The following CYSTM1 variants were observed in gnomAD, a reference collection of about 807,000 sequenced individuals.
CYSTM1 encodes cysteine rich transmembrane module containing 1.
Under a neutral mutation model 13.1 loss-of-function variants are expected in CYSTM1, and 4 were observed. The observed-to-expected ratio is 0.31, with a 90% CI of 0.15 to 0.70. The LOEUF (loss-of-function observed/expected upper bound fraction) is 0.70. Ranked by LOEUF, CYSTM1 falls within the 30% of genes least tolerant of loss-of-function variation. CYSTM1 has a pLI of 0.72. For missense variants in CYSTM1, 96 were observed against 121.6 expected (o/e 0.79, Z 0.99); for synonymous variants, 36 against 42.7 (o/e 0.84, Z 0.62).
At chr5:140,220,510 T>C (rs1764477263) in intron 2 of CYSTM1, among the ~76,000 whole-genome samples, 1 of 152,192 alleles carries the variant, frequency 6.6e-6, no homozygotes, top group African/African-American at 2.4e-5. Flanking sequence ...TAATTGGTCT[T>C]GCCCAGTTTG....
chr5:140,201,762 AC>A (rs1404076320), intron 2 of CYSTM1: 1 of 152,130 alleles, frequency 6.6e-6, no homozygotes, highest in Non-Finnish European at 1.5e-5. Flanking sequence ...AAGTGATAGA[AC>A]CTTAGCCTTA....
chr5:140,233,069 A>G (rs1764635301), intron 2 of CYSTM1, among the ~76,000 whole-genome samples: 1 of 152,158 alleles, frequency 6.6e-6, no homozygotes, highest in Non-Finnish European at 1.5e-5. Context: ...TTTTGAAAGG[A>G]AACTCTACAT....
intron 1 of CYSTM1, among the ~76,000 whole-genome samples, chr5:140,177,457 G>T (rs1228430835): frequency 6.6e-6 from 1 of 152,076 alleles, no homozygotes; most frequent in Non-Finnish European, 1.5e-5. Context: ...AAATTATTTT[G>T]TATTTCTTTG....
At chr5:140,220,296 G>T (rs1031279036) in intron 2 of CYSTM1, among the ~76,000 whole-genome samples, 3 of 152,122 alleles carry the variant, frequency 2.0e-5, no homozygotes, top group Non-Finnish European at 4.4e-5. Flanking sequence ...CAGAAGCCAG[G>T]GCTATTAGGG....
chr5:140,206,884 C>T (rs544886900), intron 2 of CYSTM1, among the ~76,000 whole-genome samples: 71 of 152,288 alleles, frequency 4.7e-4, no homozygotes, highest in African/African-American at 1.6e-3. Flanking sequence ...ATCTGCCCGC[C>T]TCAGACTCCC....
chr5:140,219,394 G>A lies in CYSTM1; in HGVS notation c.188-23911G>A, dbSNP rs1268928941. ...CTTTGTTTCTCTGAAATCGTGGGCA[G>A]TGTGCTGCAGGTAGTAGAGGGGAGG... On this transcript the variant is annotated intron_variant, in intron 2 of 2. Transcript: ENST00000261811. The surrounding 1 kb of genome is among the most constrained non-coding windows in gnomAD (Gnocchi z 4.1). 6.6e-6 allele frequency among the ~76,000 whole-genome samples: 1 copy of A among 152,154 alleles called. No individual in the cohort carries two copies. The highest frequency in any genetic ancestry group is 2.4e-5 in the African/African-American group (1 of 41,432).
intron 2 of CYSTM1, among the ~76,000 whole-genome samples, chr5:140,208,447 A>AG (rs1764323534): frequency 6.6e-6 from 1 of 152,204 alleles, no homozygotes; most frequent in South Asian, 2.1e-4. Flanking sequence ...CAAGGGTAGT[A>AG]GGGGGAGGTG....
At chr5:140,191,180 G>A (rs1387069559) in intron 1 of CYSTM1, among the ~76,000 whole-genome samples, 2 of 152,100 alleles carry the variant, frequency 1.3e-5, no homozygotes, top group Non-Finnish European at 2.9e-5. Flanking sequence ...TTCTCTCACT[G>A]GGATTTTTTT....
At chr5:140,181,804 A>G (rs1400758529) in intron 1 of CYSTM1, among the ~76,000 whole-genome samples, 1 of 152,116 alleles carries the variant, frequency 6.6e-6, no homozygotes. Context: ...CCCCGTCTGT[A>G]TTTTTTGCTA....
At chr5:140,241,864 C>T (rs1293434561) in intron 2 of CYSTM1, among the ~76,000 whole-genome samples, 1 of 152,208 alleles carries the variant, frequency 6.6e-6, no homozygotes, top group East Asian at 1.9e-4. Flanking sequence ...TTTCTGATCC[C>T]TTTTCTATCC....
Position 140,234,775 on chromosome 5 carries a change from C to A in CYSTM1, c.188-8530C>A, listed in dbSNP as rs73257049. ...AGCCACCATCATTCACAACCGTGGTCTTCCTGTGCCTCACTTCTGAGCAGG... is the reference window on the plus strand; with the variant it reads ...AGCCACCATCATTCACAACCGTGGTATTCCTGTGCCTCACTTCTGAGCAGG... On this transcript the variant is annotated intron_variant, in intron 2 of 2. Coordinates refer to ENST00000261811, the MANE Select transcript of CYSTM1 (RefSeq NM_032412.4). Among the ~76,000 whole-genome samples, 1,184 of 152,298 alleles carry A rather than the reference C, an allele frequency of 7.8e-3. 11 individuals carry two copies. The highest frequency in any genetic ancestry group is 0.027 in the African/African-American group (1,116 of 41,552).
intron 1 of CYSTM1, among the ~76,000 whole-genome samples, chr5:140,176,304 G>A (rs769796899): frequency 1.3e-5 from 2 of 152,188 alleles, no homozygotes; most frequent in Non-Finnish European, 2.9e-5. Context: ...ACTTGTAACC[G>A]ACAAGGGTAG....
intron 2 of CYSTM1, among the ~76,000 whole-genome samples, chr5:140,240,672 T>C (rs1426962170): frequency 6.6e-6 from 1 of 152,050 alleles, no homozygotes; most frequent in Non-Finnish European, 1.5e-5. Context: ...TGCAGCTCAG[T>C]GCACCCTCTG....
rs1763876637 is a variant in CYSTM1, at chr5:140,175,861, T to A, written c.-21+576T>A. Among the ~76,000 whole-genome samples, 1 of 152,070 alleles carries A rather than the reference T, an allele frequency of 6.6e-6. No homozygotes were observed. Among genetic ancestry groups the A allele is most frequent in the African/African-American group, 2.4e-5 (1 of 41,402 alleles). ...TGCGGGGGAAAGGAATCCCGGCTGCTGTTGAGAGCCGTGGATTGGGATCTG... is the reference window on the plus strand; with the variant it reads ...TGCGGGGGAAAGGAATCCCGGCTGCAGTTGAGAGCCGTGGATTGGGATCTG... On this transcript the variant is annotated intron_variant, in intron 1 of 2. Coordinates refer to ENST00000261811, the MANE Select transcript of CYSTM1 (RefSeq NM_032412.4). This position sits in a 1 kb window ranked among gnomAD's most constrained non-coding sequence, Gnocchi z 4.9.
chr5:140,201,548 A>G (rs926950773), intron 2 of CYSTM1: 4 of 152,192 alleles, frequency 2.6e-5, no homozygotes, highest in Non-Finnish European at 5.9e-5. Flanking sequence ...TACCTATACT[A>G]TACCTCCAGT....
chr5:140,206,270 ACT>A (rs1764297876), intron 2 of CYSTM1, among the ~76,000 whole-genome samples: 1 of 128,520 alleles, frequency 7.8e-6, no homozygotes, highest in Non-Finnish European at 1.6e-5. Flanking sequence ...CCCCACTGGC[ACT>A]CTCTGTCCCT....
chr5:140,189,789 CTA>C (rs200720421), intron 1 of CYSTM1, among the ~76,000 whole-genome samples: 13 of 151,394 alleles, frequency 8.6e-5, no homozygotes, highest in Non-Finnish European at 1.2e-4. Flanking sequence ...TGTTTCACTT[CTA>C]TATATATATA....
chr5:140,182,812 G>A (rs909762904), intron 1 of CYSTM1, among the ~76,000 whole-genome samples: 18 of 152,272 alleles, frequency 1.2e-4, no homozygotes, highest in Non-Finnish European at 1.9e-4. Context: ...AAGAAAGGGG[G>A]AGGGTGAGCT....
In CYSTM1 at chr5:140,219,716, AAACACGTTTTATG is replaced by A. The variant is rs1258609865; in HGVS notation, c.188-23588_188-23576del. ...AGTTATGGTCTGTATACCTAAGATA[AAACACGTTTTATG>A]TTCATTAAAAATGATATGGCAGTGT... On this transcript the variant is annotated intron_variant, in intron 2 of 2. Transcript: ENST00000261811. The surrounding 1 kb of genome is among the most constrained non-coding windows in gnomAD (Gnocchi z 4.1). 2.0e-5 allele frequency among the ~76,000 whole-genome samples: 3 copies of A among 152,216 alleles called. No homozygotes were observed. The highest frequency in any genetic ancestry group is 7.2e-5 in the African/African-American group (3 of 41,458).
Sources: allele counts gnomAD v4.1 joint callset (sites outside exome capture counted in the v4.1 genomes callset), GRCh38; gene constraint gnomAD v4.1.1; non-coding constraint Gnocchi (gnomAD v3.1); transcripts MANE v1.5; gene names NCBI Gene and HGNC (gene_info 2026-07-23, HGNC 2026-07-21).